TXNL1: variants seen among roughly 807,000 people sequenced by gnomAD.
TXNL1 encodes the protein thioredoxin like 1.
A neutral mutation model predicts 35.5 loss-of-function variants in TXNL1; 14 were observed. That is an observed-to-expected ratio of 0.39 (90% CI 0.26 to 0.62). The LOEUF (loss-of-function observed/expected upper bound fraction) is 0.62, where lower values mean the gene tolerates loss of function less well. TXNL1 is among the 20% of genes least tolerant of loss of function. The pLI, the probability that TXNL1 is intolerant of heterozygous loss-of-function variation, is 0.47. For missense variants in TXNL1, 263 were observed against 349.7 expected (o/e 0.75, Z 1.98); for synonymous variants, 110 against 115.5 (o/e 0.95, Z 0.31).
chr18:56,625,117 T>C (rs2024255077), intron 2 of TXNL1, among the ~76,000 whole-genome samples: 1 of 152,068 alleles, frequency 6.6e-6, no homozygotes, highest in Non-Finnish European at 1.5e-5. Context: ...AAAGCAAATA[T>C]GGCACCTTAT....
intron 1 of TXNL1, among the ~76,000 whole-genome samples, chr18:56,637,457 AACAC>A (rs1049242450): frequency 6.6e-6 from 1 of 152,166 alleles, no homozygotes; most frequent in South Asian, 2.1e-4. Context: ...AGATCTGTGA[AACAC>A]ACACACACGC....
intron 7 of TXNL1, among the ~76,000 whole-genome samples, 157 bp from the exon 8 acceptor site, chr18:56,603,213 C>T (rs549271013): frequency 5.6e-4 from 85 of 151,636 alleles, no homozygotes; most frequent in Non-Finnish European, 8.8e-4. Context: ...AAACTGTGAC[C>T]TCCCCTCCAA....
chr18:56,630,230 G>C (rs887373676), intron 1 of TXNL1, among the ~76,000 whole-genome samples: 1 of 151,762 alleles, frequency 6.6e-6, no homozygotes. Flanking sequence ...ACAGTAACTA[G>C]GATTCAGGAA....
In TXNL1 at chr18:56,626,589, G is replaced by GT. The variant is rs1280113003; in HGVS notation, c.99-133dup. The GT allele has an allele frequency of 2.7e-5, 23 of 864,040 alleles. No homozygotes were observed. The Admixed American group carries it at 3.4e-4, about 13-fold the overall frequency. The allele number at this position is 864,040 out of a possible 1,614,324, so 53.5% of individuals were successfully genotyped here. A position where few individuals can be genotyped will look rare whatever the true frequency, so the allele number is the denominator to read the frequency against. On this transcript the variant is annotated intron_variant, in intron 1 of 7. Transcript: ENST00000217515. The stretch of plus-strand genomic sequence containing the variant: ...CTCTCTGTTTTTTTTGTTTTGTTTT[G>GT]TTTTTTGCTTTAGACAGAGTCTCAC...
At position 56,626,397 on chromosome 18, in the gene TXNL1, C is replaced by T; in HGVS notation, c.159G>A (p.Gln53=). 6.2e-7 allele frequency: 1 copy of T among 1,613,926 alleles called. No individual in the cohort carries two copies. The highest frequency in any genetic ancestry group is 8.5e-7 in the Non-Finnish European group (1 of 1,179,938). ...AFSSMSNKYP[Q]AVFLEVDVHQ... ...GTACATCGACTTCCAAGAAAACAGC[C>T]TGTGGATATTTATTACTCATAGAAC... Residue 53 remains glutamine, a synonymous_variant, in exon 2 of 8, where the codon CAG becomes CAA. Transcript: ENST00000217515.
At chr18:56,629,125 T>TA (rs1385605711) in intron 1 of TXNL1, among the ~76,000 whole-genome samples, 3 of 152,222 alleles carry the variant, frequency 2.0e-5, no homozygotes, top group Admixed American at 6.5e-5. Flanking sequence ...TAACAACACT[T>TA]ACTCTATTTC....
At chr18:56,628,313 T>TA (rs1184112522) in intron 1 of TXNL1, among the ~76,000 whole-genome samples, 1 of 152,126 alleles carries the variant, frequency 6.6e-6, no homozygotes, top group African/African-American at 2.4e-5. Context: ...ACCAAACTGC[T>TA]AAAATACACC....
intron 1 of TXNL1, among the ~76,000 whole-genome samples, chr18:56,628,440 T>A (rs941469141): frequency 4.8e-4 from 73 of 152,230 alleles, no homozygotes; most frequent in African/African-American, 1.7e-3. Flanking sequence ...TAAATTCTTA[T>A]CAACAAAAGA....
chr18:56,612,015 ATC>A lies in TXNL1; in HGVS notation c.736-920_736-919del, dbSNP rs879640475. On this transcript the variant is annotated intron_variant, in intron 6 of 7. Transcript: ENST00000217515. ...AGGCACATGCTGCCACGCCCGGCTAATCTTTTTTTTTTTTTTTTTTTTTTTAA... is the reference window on the plus strand; with the variant it reads ...AGGCACATGCTGCCACGCCCGGCTAATTTTTTTTTTTTTTTTTTTTTTTAA... 2.7e-3 allele frequency among the ~76,000 whole-genome samples: 283 copies of A among 105,440 alleles called. 21 individuals carry two copies. Among genetic ancestry groups the A allele is most frequent in the African/African-American group, 5.8e-3 (126 of 21,798 alleles). The allele number at this position is 105,440 out of a possible 152,430, so 69.2% of individuals were successfully genotyped here.
chr18:56,622,462 T>C (rs909086601), intron 3 of TXNL1, among the ~76,000 whole-genome samples: 1 of 152,172 alleles, frequency 6.6e-6, no homozygotes, highest in Non-Finnish European at 1.5e-5. Context: ...CATCGTTATA[T>C]AAGATTACCA....
chr18:56,629,188 G>A (rs1302327816), intron 1 of TXNL1, among the ~76,000 whole-genome samples: 3 of 152,182 alleles, frequency 2.0e-5, no homozygotes, highest in Non-Finnish European at 4.4e-5. Flanking sequence ...TAATAGTAAA[G>A]TTAGAAAACA....
intron 4 of TXNL1, among the ~76,000 whole-genome samples, chr18:56,617,786 C>T (rs1277032104): frequency 1.3e-5 from 2 of 152,094 alleles, no homozygotes; most frequent in African/African-American, 2.4e-5. Context: ...AAGAGTTCAG[C>T]AATTTTTCTT....
At position 56,597,552 on chromosome 18, in the gene TXNL1, C is replaced by T. The variant is rs2023759888; in HGVS notation, c.*5475G>A. 6.6e-6 allele frequency: 1 copy of T among 152,120 alleles called. No individual in the cohort carries two copies. The highest frequency in any genetic ancestry group is 1.5e-5 in the Non-Finnish European group (1 of 68,024). 9.4% of individuals were successfully genotyped at this position (152,120 alleles called of 1,614,324 possible). A position where few individuals can be genotyped will look rare whatever the true frequency, so the allele number is the denominator to read the frequency against. On this transcript the variant is annotated 3_prime_UTR_variant, in exon 8 of 8. Coordinates refer to ENST00000217515, the MANE Select transcript of TXNL1 (RefSeq NM_004786.3). The stretch of plus-strand genomic sequence containing the variant: ...GGATTCATTAACACTACTTTATTAC[C>T]ACCTCCTGTTTTTCCTCCCTTTCCT...
At chr18:56,617,982 CT>C in intron 4 of TXNL1, 21 bp downstream of exon 4, 3 of 1,613,128 alleles carry the variant, frequency 1.9e-6, no homozygotes, top group Non-Finnish European at 2.5e-6. Context: ...TCTCCACAAG[CT>C]TATCTTCAGC....
intron 3 of TXNL1, among the ~76,000 whole-genome samples, chr18:56,621,424 C>T (rs955176937): frequency 4.6e-5 from 7 of 151,928 alleles, no homozygotes; most frequent in Non-Finnish European, 1.0e-4. Flanking sequence ...GAACTCCTGA[C>T]CTCAGGTGAT....
At chr18:56,616,344 G>A in intron 4 of TXNL1, 30 bp from the exon 5 acceptor site, 1 of 1,592,566 alleles carries the variant, frequency 6.3e-7, no homozygotes, top group Non-Finnish European at 8.6e-7. Context: ...ATTTTAAAGG[G>A]CTCTTGTACA....
chr18:56,620,589 A>C (rs2024164247), intron 3 of TXNL1, among the ~76,000 whole-genome samples: 2 of 152,168 alleles, frequency 1.3e-5, no homozygotes. Flanking sequence ...TTCTGCTTCT[A>C]GTAGAGTTGA....
chr18:56,623,483 A>G (rs2024225159), intron 3 of TXNL1, among the ~76,000 whole-genome samples: 1 of 152,042 alleles, frequency 6.6e-6, no homozygotes, highest in Non-Finnish European at 1.5e-5. Flanking sequence ...TTTAAAATTC[A>G]TTCTTTGATC....
intron 1 of TXNL1, among the ~76,000 whole-genome samples, chr18:56,628,420 C>T (rs928615817): frequency 5.3e-5 from 8 of 152,066 alleles, no homozygotes; most frequent in African/African-American, 1.9e-4. Context: ...AGTCAAAAAT[C>T]AGAAACAATT....
Sources: allele counts gnomAD v4.1 joint callset (sites outside exome capture counted in the v4.1 genomes callset), GRCh38; gene constraint gnomAD v4.1.1; transcripts MANE v1.5; gene names NCBI Gene and HGNC (gene_info 2026-07-23, HGNC 2026-07-21).